RMDN1: variants seen among roughly 807,000 people sequenced by gnomAD.
RMDN1 encodes regulator of microtubule dynamics protein 1.
A neutral mutation model predicts 48.9 loss-of-function variants in RMDN1; 48 were observed. That is an observed-to-expected ratio of 0.98 (90% CI 0.78 to 1.25). The LOEUF (loss-of-function observed/expected upper bound fraction) is 1.25. Ranked by LOEUF, RMDN1 falls within the 50% of genes most tolerant of loss-of-function variation. The pLI is 0.00. For missense variants in RMDN1, 418 were observed against 373.4 expected (o/e 1.12, Z -0.98); for synonymous variants, 148 against 132.6 (o/e 1.12, Z -0.80).
At chr8:86,470,734 T>C (rs553089308), downstream of RMDN1, among the ~76,000 whole-genome samples, 2 of 152,276 alleles carry the variant, frequency 1.3e-5, no homozygotes, top group East Asian at 3.9e-4. Flanking sequence ...TTGATAGAAC[T>C]TAGGTCTCAA....
At chr8:86,470,374 C>T (rs1300889824), downstream of RMDN1, 27 of 1,288,234 alleles carry the variant, frequency 2.1e-5, no homozygotes, top group South Asian at 3.7e-5. Context: ...AGTGGGGAAA[C>T]GTCACGGACC....
chr8:86,500,564 A>T (rs1363839330), intron 2 of RMDN1, among the ~76,000 whole-genome samples: 1 of 152,098 alleles, frequency 6.6e-6, no homozygotes, highest in East Asian at 1.9e-4. Flanking sequence ...GGTTGTGGAG[A>T]AAAGGGAATA....
upstream of RMDN1, among the ~76,000 whole-genome samples, chr8:86,511,738 G>A (rs187786196): frequency 7.0e-4 from 106 of 150,980 alleles, 1 homozygote; most frequent in South Asian, 0.016. Flanking sequence ...GCTAAAGCCT[G>A]AGAGGTTGAA....
At chr8:86,503,736 C>T in intron 2 of RMDN1, 1 of 482,014 alleles carries the variant, frequency 2.1e-6, no homozygotes, top group African/African-American at 2.0e-5. Context: ...AATATCCCTC[C>T]CTCTGAGATG....
At chr8:86,468,280 A>C, downstream of RMDN1, 1 of 401,014 alleles carries the variant, frequency 2.5e-6, no homozygotes, top group Non-Finnish European at 4.8e-6. Flanking sequence ...TGTTTTGCCA[A>C]AATTTTATTT....
chr8:86,477,594 A>T (rs1813598856), intron 7 of RMDN1: 2 of 327,404 alleles, frequency 6.1e-6, no homozygotes, highest in East Asian at 1.1e-4. Flanking sequence ...TGCAGAAAGG[A>T]AAGAACATTA....
At position 86,486,464 on chromosome 8, in the gene RMDN1, A is replaced by G; in HGVS notation, c.495+20T>C. 1 of 1,561,040 alleles carries G rather than the reference A, an allele frequency of 6.4e-7. No homozygotes were observed. Among genetic ancestry groups the G allele is most frequent in the Non-Finnish European group, 8.7e-7 (1 of 1,148,362 alleles). ...ATGTACCTCTCAGTACATGGTTAAT[A>G]GCTTAGTTAAGCAACTCACCTTATG... On this transcript the variant is annotated intron_variant, in intron 4 of 9. Transcript: ENST00000406452.
At chr8:86,494,567 G>A (rs1261826048) in intron 2 of RMDN1, among the ~76,000 whole-genome samples, 1 of 151,218 alleles carries the variant, frequency 6.6e-6, no homozygotes, top group Admixed American at 6.6e-5. Flanking sequence ...AAAAACAAAA[G>A]CTTCTTGAAG....
rs117992896 is a variant in RMDN1 at position 86,495,781 on chromosome 8, T to C, written c.248-7142A>G. ...CTCGCCAGCATGCACACATACAACA[T>C]GCAAACTTAGGAAATGCAGAGAACC... On this transcript the variant is annotated intron_variant, in intron 2 of 9. Coordinates refer to ENST00000406452, the MANE Select transcript of RMDN1 (RefSeq NM_016033.3). Among the ~76,000 whole-genome samples the C allele has an allele frequency of 7.9e-3, 1,196 of 152,080 alleles. 11 individuals are homozygous for C. The highest frequency in any genetic ancestry group is 0.012 in the Non-Finnish European group (818 of 68,002).
At chr8:86,476,831 G>A (rs1475079573) in intron 8 of RMDN1, among the ~76,000 whole-genome samples, 1 of 152,098 alleles carries the variant, frequency 6.6e-6, no homozygotes, top group African/African-American at 2.4e-5. Flanking sequence ...GAGTAGCTGG[G>A]ACTACAGGTG....
chr8:86,509,351 G>A (rs1169775894), upstream of RMDN1, among the ~76,000 whole-genome samples: 5 of 152,004 alleles, frequency 3.3e-5, no homozygotes, highest in Non-Finnish European at 4.4e-5. Flanking sequence ...TTACTTACTC[G>A]AGCAAAGTAT....
Position 86,472,624 on chromosome 8 carries a change from C to T in RMDN1, c.*1684G>A. The T allele has an allele frequency of 1.7e-6, 1 of 595,210 alleles. No homozygotes were observed. The highest frequency in any genetic ancestry group is 3.0e-6 in the Non-Finnish European group (1 of 337,392). 36.9% of individuals were successfully genotyped at this position (595,210 alleles called of 1,614,324 possible). A position where few individuals can be genotyped will look rare whatever the true frequency, so the allele number is the denominator to read the frequency against. ...TACTGTTGCCTAGCTACCCTGACCA[C>T]ATTATTTTTTCACTGTATCAGTGGT... On this transcript the variant is annotated 3_prime_UTR_variant, in exon 10 of 10. Coordinates refer to ENST00000406452, the MANE Select transcript of RMDN1 (RefSeq NM_016033.3).
chr8:86,503,948 G>T (rs1178440698), intron 2 of RMDN1: 1 of 754,700 alleles, frequency 1.3e-6, no homozygotes, highest in Non-Finnish European at 2.5e-6. Context: ...ACCCTGGGCT[G>T]CTTGGTTATT....
chr8:86,470,225 T>C (rs1006600239), downstream of RMDN1: 15 of 1,289,238 alleles, frequency 1.2e-5, no homozygotes, highest in Admixed American at 1.6e-4. Flanking sequence ...TACTTTGATA[T>C]ACATGTACGT....
chr8:86,476,377 T>C (rs976783364), intron 8 of RMDN1, among the ~76,000 whole-genome samples: 4 of 152,312 alleles, frequency 2.6e-5, no homozygotes, highest in South Asian at 2.1e-4. Flanking sequence ...ATAACTGTTA[T>C]CATGAAATGA....
chr8:86,508,870 G>A, upstream of RMDN1: 1 of 1,127,444 alleles, frequency 8.9e-7, no homozygotes, highest in Non-Finnish European at 1.1e-6. Context: ...GAGGCCGTGA[G>A]AGCGCTCTCT....
chr8:86,493,620 T>A (rs1336840804), intron 2 of RMDN1, among the ~76,000 whole-genome samples: 1 of 152,106 alleles, frequency 6.6e-6, no homozygotes, highest in Non-Finnish European at 1.5e-5. Flanking sequence ...AGGTTGAACA[T>A]CTCTAATCTG....
chr8:86,488,154 A>T (rs569518448), intron 3 of RMDN1, among the ~76,000 whole-genome samples: 3 of 152,334 alleles, frequency 2.0e-5, no homozygotes, highest in South Asian at 4.1e-4. Flanking sequence ...GTTACCACTC[A>T]ATGGTGGCAT....
chr8:86,488,523 CA>C, intron 3 of RMDN1, 28 bp downstream of exon 3: 4 of 1,413,154 alleles, frequency 2.8e-6, no homozygotes, highest in Non-Finnish European at 3.8e-6. Context: ...GAGGAAACCA[CA>C]AGCCTAGGCC....
Sources: allele counts gnomAD v4.1 joint callset (sites outside exome capture counted in the v4.1 genomes callset), GRCh38; gene constraint gnomAD v4.1.1; transcripts MANE v1.5; gene names NCBI Gene and HGNC (gene_info 2026-07-23, HGNC 2026-07-21).